RETREG1: variants seen among roughly 807,000 people sequenced by gnomAD.
The protein encoded by RETREG1 is family with sequence similarity 134 member B.
RETREG1 carries 44 observed loss-of-function variants against 54.8 expected under a neutral mutation model. That is an observed-to-expected ratio of 0.80 (90% CI 0.63 to 1.03). RETREG1 has a LOEUF of 1.03. Among genes scored for constraint, RETREG1 ranks in the 50% least tolerant of loss-of-function variants. RETREG1 has a pLI of 0.00. For missense variants in RETREG1, 554 were observed against 605.1 expected (o/e 0.92, Z 0.89); for synonymous variants, 217 against 238.5 (o/e 0.91, Z 0.83).
intron 8 of RETREG1, 96 bp downstream of exon 8, chr5:16,477,566 G>A: frequency 8.8e-7 from 1 of 1,139,002 alleles, no homozygotes. Context: ...TGTAGATATG[G>A]TGGTAACATG....
At chr5:16,569,287 CTTT>C (rs59365372) in intron 2 of RETREG1, among the ~76,000 whole-genome samples, 9 of 140,794 alleles carry the variant, frequency 6.4e-5, no homozygotes, top group Non-Finnish European at 6.2e-5. Context: ...CCATTTCTTT[CTTT>C]TTTTTTTTTT....
chr5:16,516,163 A>G (rs1740349288), intron 3 of RETREG1, among the ~76,000 whole-genome samples: 1 of 139,576 alleles, frequency 7.2e-6, no homozygotes, highest in African/African-American at 2.5e-5. Flanking sequence ...CATTTATACT[A>G]CTTATAAAAT....
At chr5:16,615,719 A>C (rs983421067) in intron 1 of RETREG1, among the ~76,000 whole-genome samples, 19 of 152,204 alleles carry the variant, frequency 1.2e-4, no homozygotes, top group African/African-American at 4.6e-4. Context: ...TGCTCAAGTT[A>C]ACCTAGAAAA....
At chr5:16,558,091 G>A (rs1561119811) in intron 3 of RETREG1, among the ~76,000 whole-genome samples, 1 of 151,752 alleles carries the variant, frequency 6.6e-6, no homozygotes, top group Non-Finnish European at 1.5e-5. Flanking sequence ...AAAAATTAAT[G>A]AAAAAAATAA....
intron 3 of RETREG1, among the ~76,000 whole-genome samples, chr5:16,510,818 C>CAAAAAAAA (rs57713373): frequency 1.3e-5 from 1 of 75,686 alleles, no homozygotes; most frequent in African/African-American, 5.7e-5. Flanking sequence ...ACAACAACAA[C>CAAAAAAAA]AAAAAAAAAA....
At chr5:16,546,262 G>A (rs1741386062) in intron 3 of RETREG1, among the ~76,000 whole-genome samples, 1 of 151,834 alleles carries the variant, frequency 6.6e-6, no homozygotes, top group Non-Finnish European at 1.5e-5. Flanking sequence ...CAAATTCCTG[G>A]GCTTGAGTGA....
At chr5:16,566,657 A>AT (rs1360813482) in intron 2 of RETREG1, among the ~76,000 whole-genome samples, 1 of 152,016 alleles carries the variant, frequency 6.6e-6, no homozygotes, top group South Asian at 2.1e-4. Context: ...TGCTTGCTTC[A>AT]TTTTTTTCAA....
At position 16,616,675 on chromosome 5, in the gene RETREG1, G is replaced by A. The variant is rs1246227310; in HGVS notation, c.297C>T (p.Phe99=). The A allele has an allele frequency of 6.3e-7, 1 of 1,596,166 alleles. No homozygotes were observed. Among genetic ancestry groups the A allele is most frequent in the South Asian group, 1.1e-5 (1 of 89,812 alleles). Residue 99 remains phenylalanine, a synonymous_variant, in exon 1 of 9, where the codon TTC becomes TTT. Transcript: ENST00000306320. ...WKRPLRSLLG[F]VAANLLFWFL... is the part of the protein sequence containing the mutation. Reference sequence around the variant, plus strand: ...ACCAGAACAGCAGGTTGGCAGCGACGAAGCCGAGCAGGCTCCGCAGCGGCC... The same window carrying A: ...ACCAGAACAGCAGGTTGGCAGCGACAAAGCCGAGCAGGCTCCGCAGCGGCC...
chr5:16,497,972 T>C (rs898448668), intron 3 of RETREG1, among the ~76,000 whole-genome samples: 11 of 152,224 alleles, frequency 7.2e-5, no homozygotes, highest in Non-Finnish European at 1.5e-4. Context: ...TGTACCTTAG[T>C]TTATTGAGCA....
chr5:16,573,238 T>C (rs1366089504), intron 1 of RETREG1, among the ~76,000 whole-genome samples: 1 of 137,982 alleles, frequency 7.2e-6, no homozygotes, highest in Non-Finnish European at 1.5e-5. Context: ...CTTTGCTAAC[T>C]CTTTCGCTTT....
intron 1 of RETREG1, among the ~76,000 whole-genome samples, chr5:16,588,356 T>A (rs1742672664): frequency 6.6e-6 from 1 of 152,172 alleles, no homozygotes; most frequent in Non-Finnish European, 1.5e-5. Context: ...TCATATTGAA[T>A]CAGGGCCCAC....
At chr5:16,494,030 A>G (rs7737656) in intron 3 of RETREG1, among the ~76,000 whole-genome samples, 93,020 of 151,982 alleles carry the variant, frequency 0.61, 28,744 homozygotes, top group Admixed American at 0.74. Flanking sequence ...TAATTAGGTC[A>G]TATTCCCAAC....
In RETREG1 at chr5:16,474,698, T is replaced by A; in HGVS notation, c.*43A>T. ...TTTTTTTTTTTTTCTTGTTTGAAAT[T>A]TTTTTGGTGTTTTTTGTGCTCTGTT... On this transcript the variant is annotated 3_prime_UTR_variant, in exon 9 of 9. Coordinates refer to ENST00000306320, the MANE Select transcript of RETREG1 (RefSeq NM_001034850.3). The A allele has an allele frequency of 6.4e-7, 1 of 1,569,582 alleles. No individual in the cohort carries two copies. The highest frequency in any genetic ancestry group is 1.2e-5 in the South Asian group (1 of 83,222).
At chr5:16,503,074 T>C (rs1739781820) in intron 3 of RETREG1, among the ~76,000 whole-genome samples, 1 of 152,206 alleles carries the variant, frequency 6.6e-6, no homozygotes, top group East Asian at 1.9e-4. Flanking sequence ...CAGCAAAGAA[T>C]TAGTCACTCT....
chr5:16,604,252 C>T (rs1368609995), intron 1 of RETREG1, among the ~76,000 whole-genome samples: 1 of 152,132 alleles, frequency 6.6e-6, no homozygotes, highest in African/African-American at 2.4e-5. Flanking sequence ...GAAACCTGAT[C>T]GGAATCCCCA....
intron 3 of RETREG1, among the ~76,000 whole-genome samples, chr5:16,538,378 G>A (rs1319611434): frequency 6.6e-6 from 1 of 152,180 alleles, no homozygotes; most frequent in African/African-American, 2.4e-5. Context: ...GGGGCTCTTT[G>A]ACTTCTCAAA....
At chr5:16,538,602 C>A (rs1250626729) in intron 3 of RETREG1, among the ~76,000 whole-genome samples, 1 of 152,174 alleles carries the variant, frequency 6.6e-6, no homozygotes, top group Non-Finnish European at 1.5e-5. Context: ...GATGTCCCTG[C>A]CTCTCAGTGC....
chr5:16,616,325 A>C (rs952435468), intron 1 of RETREG1: 3 of 329,576 alleles, frequency 9.1e-6, no homozygotes, highest in Non-Finnish European at 1.7e-5. Context: ...GCAGGTCAAG[A>C]CCTCAGAGTT....
intron 1 of RETREG1, among the ~76,000 whole-genome samples, chr5:16,607,147 C>T (rs1234388546): frequency 6.6e-6 from 1 of 152,156 alleles, no homozygotes; most frequent in East Asian, 1.9e-4. Context: ...CTCTCTATCC[C>T]TTGTCCTTGC....
Sources: allele counts gnomAD v4.1 joint callset (sites outside exome capture counted in the v4.1 genomes callset), GRCh38; gene constraint gnomAD v4.1.1; transcripts MANE v1.5; gene names NCBI Gene and HGNC (gene_info 2026-07-23, HGNC 2026-07-21).